Variants in OTOGL observed in about 807,000 individuals in gnomAD.
OTOGL encodes the protein otogelin-like protein.
In OTOGL, 285 loss-of-function variants were observed where a neutral mutation model predicts 318.5. The ratio of observed to expected loss-of-function variants is 0.89; its 90% CI spans 0.81 to 0.99. The LOEUF is 0.99. Among genes scored for constraint, OTOGL ranks in the 50% least tolerant of loss-of-function variants. The pLI is 0.00. For missense variants in OTOGL, 2,899 were observed against 2,845.6 expected (o/e 1.02, Z -0.43); for synonymous variants, 987 against 936.5 (o/e 1.05, Z -0.99).
At chr12:80,372,781 C>G (rs926668490) in intron 57 of OTOGL, among the ~76,000 whole-genome samples, 1 of 151,762 alleles carries the variant, frequency 6.6e-6, no homozygotes, top group Admixed American at 6.6e-5. Context: ...CTCTTCCTGC[C>G]GGGTCCAAGC....
At chr12:80,160,996 T>G (rs2137192953) in intron 1 of OTOGL, among the ~76,000 whole-genome samples, 1 of 152,154 alleles carries the variant, frequency 6.6e-6, no homozygotes, top group South Asian at 2.1e-4. Flanking sequence ...AAACCAAACA[T>G]TGTGTGCTCT....
intron 1 of OTOGL, among the ~76,000 whole-genome samples, chr12:80,201,641 G>A (rs1423093734): frequency 6.6e-6 from 1 of 151,996 alleles, no homozygotes; most frequent in Non-Finnish European, 1.5e-5. Context: ...CATTCTCTTG[G>A]ACTAGTGGCT....
At chr12:80,106,648 C>T (rs11833837) in intron 1 of OTOGL, among the ~76,000 whole-genome samples, 2,866 of 152,216 alleles carry the variant, frequency 0.019, 81 homozygotes, top group African/African-American at 0.063. Context: ...TGCACACAAT[C>T]CTATATCCTT....
chr12:80,194,518 C>T (rs4144976), intron 1 of OTOGL, among the ~76,000 whole-genome samples: 66,206 of 151,950 alleles, frequency 0.44, 16,841 homozygotes, highest in Admixed American at 0.58. Context: ...ACACTCTAAT[C>T]CCATAACCAA....
chr12:80,342,202 A>G (rs781442765), intron 44 of OTOGL, 40 bp downstream of exon 44: 3 of 1,449,140 alleles, frequency 2.1e-6, no homozygotes, highest in Admixed American at 2.0e-5. Context: ...TTCATGTTAG[A>G]TATGTTGAGA....
At chr12:80,144,329 G>A (rs1307834951) in intron 1 of OTOGL, among the ~76,000 whole-genome samples, 1 of 151,536 alleles carries the variant, frequency 6.6e-6, no homozygotes, top group East Asian at 1.9e-4. Context: ...TCTTGCGATA[G>A]TTTACTGAGA....
intron 26 of OTOGL, among the ~76,000 whole-genome samples, chr12:80,284,820 T>A (rs539368303): frequency 1.3e-5 from 2 of 152,250 alleles, no homozygotes; most frequent in Admixed American, 6.5e-5. Flanking sequence ...TTTTCCCATT[T>A]GGTAGGATGC....
At chr12:80,210,426 G>T (rs1877160616) in intron 2 of OTOGL, among the ~76,000 whole-genome samples, 2 of 152,078 alleles carry the variant, frequency 1.3e-5, no homozygotes, top group Non-Finnish European at 2.9e-5. Flanking sequence ...TCCAATTCCA[G>T]TTGTGACTGA....
In OTOGL at chr12:80,219,952, C is replaced by T. The variant is rs374872657; in HGVS notation, c.334+40C>T. 8.0e-4 allele frequency: 1,123 copies of T among 1,403,304 alleles called. 2 individuals carry two copies. Among genetic ancestry groups the T allele is most frequent in the Non-Finnish European group, 1.0e-3 (1,050 of 1,016,180 alleles). The allele number at this position is 1,403,304 out of a possible 1,614,324, so 86.9% of individuals were successfully genotyped here. On this transcript the variant is annotated intron_variant, in intron 6 of 58. Coordinates refer to ENST00000547103, the MANE Select transcript of OTOGL (RefSeq NM_001378609.3). ...TGCTTGTGAGATAATTATGAGATACCAAGGAGAAAATTAAGGCATAATTTG... is the reference window on the plus strand; with the variant it reads ...TGCTTGTGAGATAATTATGAGATACTAAGGAGAAAATTAAGGCATAATTTG...
chr12:80,239,437 C>G lies in OTOGL; in HGVS notation c.1050C>G (p.Cys350Trp), dbSNP rs1321301198. Residue 350 changes from cysteine to tryptophan, a missense_variant and splice_region_variant, in exon 11 of 59, where the codon TGC becomes TGG. Cys to Trp is a radical substitution (Grantham distance 215, BLOSUM62 -2). Coordinates refer to ENST00000547103, the MANE Select transcript of OTOGL (RefSeq NM_001378609.3). Reference sequence around the variant, plus strand: ...TTGCCAGCTGTGTTAATGATCTTTGCAAGTAAGTGAAATGACTTGTAGTTG... The same window carrying G: ...TTGCCAGCTGTGTTAATGATCTTTGGAAGTAAGTGAAATGACTTGTAGTTG... ...LYIASCVNDLCKTDDDETYCR... is the reference protein window; with the variant it reads ...LYIASCVNDLWKTDDDETYCR... 4 of 1,556,312 alleles carry G rather than the reference C, an allele frequency of 2.6e-6. No homozygotes were observed. Among genetic ancestry groups the G allele is most frequent in the Non-Finnish European group, 3.5e-6 (4 of 1,145,530 alleles).
intron 1 of OTOGL, among the ~76,000 whole-genome samples, chr12:80,108,848 G>GTATATATATATGTGTATATATATGTGTA (rs375973972): frequency 2.3e-5 from 3 of 130,070 alleles, no homozygotes; most frequent in African/African-American, 8.8e-5. Context: ...ATATATATGT[G>GTATATATATATGTGTATATATATGTGTA]TATATATATG....
intron 34 of OTOGL, among the ~76,000 whole-genome samples, chr12:80,321,643 T>C (rs1490389916): frequency 6.6e-6 from 1 of 152,166 alleles, no homozygotes; most frequent in African/African-American, 2.4e-5. Flanking sequence ...ATGCAAAGAT[T>C]CCTAAGTCTG....
intron 6 of OTOGL, among the ~76,000 whole-genome samples, chr12:80,220,422 G>T (rs368838095): frequency 3.9e-5 from 6 of 152,122 alleles, no homozygotes; most frequent in Non-Finnish European, 5.9e-5. Flanking sequence ...ACCTCCCAAA[G>T]TGCTGGGATT....
At chr12:80,125,029 T>A in intron 1 of OTOGL, among the ~76,000 whole-genome samples, 1 of 152,204 alleles carries the variant, frequency 6.6e-6, no homozygotes, top group Non-Finnish European at 1.5e-5. Context: ...ATACCCTTTA[T>A]TCCCTTCTCC....
intron 35 of OTOGL, among the ~76,000 whole-genome samples, chr12:80,325,203 C>G (rs1887601734): frequency 6.6e-6 from 1 of 152,102 alleles, no homozygotes; most frequent in Non-Finnish European, 1.5e-5. Context: ...TCCAGCCCCT[C>G]TGTAAGATCT....
chr12:80,250,922 TG>T (rs1336209999), intron 11 of OTOGL, among the ~76,000 whole-genome samples: 2 of 152,200 alleles, frequency 1.3e-5, no homozygotes, highest in African/African-American at 4.8e-5. Context: ...GAAATTATTT[TG>T]GGGGGAAGCT....
intron 1 of OTOGL, among the ~76,000 whole-genome samples, chr12:80,163,471 T>C (rs919095401): frequency 6.6e-6 from 1 of 152,114 alleles, no homozygotes; most frequent in Non-Finnish European, 1.5e-5. Context: ...TCAACGTTTC[T>C]GAGATCATAG....
chr12:80,192,990 T>TA (rs386377113), intron 1 of OTOGL, among the ~76,000 whole-genome samples: 48,281 of 149,126 alleles, frequency 0.32, 7,830 homozygotes, highest in East Asian at 0.41. Flanking sequence ...TTGAAAATAC[T>TA]AAAAAAAAAA....
intron 55 of OTOGL, among the ~76,000 whole-genome samples, chr12:80,369,373 C>T (rs1340495768): frequency 6.6e-6 from 1 of 152,020 alleles, no homozygotes; most frequent in Non-Finnish European, 1.5e-5. Context: ...TGGCCTGATA[C>T]TTGATTAAAC....
Sources: gnomAD v4.1 joint callset for allele counts (sites outside exome capture counted in the v4.1 genomes callset) on GRCh38, gnomAD v4.1.1 for gene constraint, MANE v1.5 for transcripts, NCBI Gene and HGNC (gene_info 2026-07-23, HGNC 2026-07-21) for gene names.